The following OR6J1 variants were observed in gnomAD, a reference collection of about 807,000 sequenced individuals.
OR6J1 encodes the protein olfactory receptor family 6 subfamily J member 1, also known as olfactory receptor 6J1.
For missense variants in OR6J1, 304 were observed against 166.8 expected, an observed-to-expected ratio of 1.82 and a Z score of -4.53; for synonymous variants, 109 against 70.0, an observed-to-expected ratio of 1.56 and a Z score of -2.78.
In OR6J1 at chr14:22,633,459, T is replaced by C; in HGVS notation, c.*309A>G. 1 of 294,234 alleles carries C rather than the reference T, an allele frequency of 3.4e-6. No homozygotes were observed. Among genetic ancestry groups the C allele is most frequent in the South Asian group, 7.8e-5 (1 of 12,830 alleles). 18.2% of individuals were successfully genotyped at this position (294,234 alleles called of 1,614,324 possible). On this transcript the variant is annotated 3_prime_UTR_variant, in exon 2 of 2. Coordinates refer to ENST00000540461, the MANE Select transcript of OR6J1 (RefSeq NM_001348233.2). ...ACTTCGTGTCAAGCCGATAGAACAG[T>C]TGTGTTCGGGATCCATAAAGAAATG...
chr14:22,633,569 G>A lies in OR6J1; in HGVS notation c.*199C>T. 1.8e-6 allele frequency: 1 copy of A among 564,452 alleles called. No individual in the cohort carries two copies. Among genetic ancestry groups the A allele is most frequent in the Admixed American group, 3.4e-5 (1 of 29,742 alleles). 35.0% of individuals were successfully genotyped at this position (564,452 alleles called of 1,614,324 possible). A position where few individuals can be genotyped will look rare whatever the true frequency, so the allele number is the denominator to read the frequency against. ...ATATTCAGTGTGGATGGGGCTTAGAGATCATCAAGTCCAGCCCTGTTGCAC... is the reference window on the plus strand; with the variant it reads ...ATATTCAGTGTGGATGGGGCTTAGAAATCATCAAGTCCAGCCCTGTTGCAC... On this transcript the variant is annotated 3_prime_UTR_variant, in exon 2 of 2. Coordinates refer to ENST00000540461, the MANE Select transcript of OR6J1 (RefSeq NM_001348233.2).
chr14:22,641,599 GGA>G (rs1491478690), intron 1 of OR6J1, among the ~76,000 whole-genome samples: 10 of 101,100 alleles, frequency 9.9e-5, no homozygotes, highest in Admixed American at 6.2e-4. Context: ...TATTCTAAAA[GGA>G]TATATATATA....
At chr14:22,636,599 G>A (rs1196846206) in intron 1 of OR6J1, among the ~76,000 whole-genome samples, 1 of 119,540 alleles carries the variant, frequency 8.4e-6, no homozygotes, top group Non-Finnish European at 1.7e-5. Flanking sequence ...TTTTTTTGGT[G>A]GAGACGGGGT....
intron 1 of OR6J1, among the ~76,000 whole-genome samples, chr14:22,638,038 A>G (rs1384499422): frequency 9.3e-6 from 1 of 107,032 alleles, no homozygotes; most frequent in Non-Finnish European, 1.8e-5. Flanking sequence ...TGGGGGGGTC[A>G]GCCCCCCGCC....
At chr14:22,640,553 G>A (rs1480543046) in intron 1 of OR6J1, among the ~76,000 whole-genome samples, 1 of 146,994 alleles carries the variant, frequency 6.8e-6, no homozygotes, top group Non-Finnish European at 1.5e-5. Flanking sequence ...TGCAGTAGTG[G>A]TAGCATACAG....
At chr14:22,637,004 G>A (rs1489948087) in intron 1 of OR6J1, among the ~76,000 whole-genome samples, 1 of 126,766 alleles carries the variant, frequency 7.9e-6, no homozygotes, top group Non-Finnish European at 1.6e-5. Context: ...CATCTAGGAA[G>A]TGAGGAGCGT....
At chr14:22,636,424 C>G (rs1213373560) in intron 1 of OR6J1, among the ~76,000 whole-genome samples, 1 of 25,926 alleles carries the variant, frequency 3.9e-5, no homozygotes, top group Admixed American at 3.0e-4. Context: ...CTCCCTCTCC[C>G]TCTCCCTCTC....
In OR6J1 at chr14:22,634,894, T is replaced by C. The variant is rs187578482; in HGVS notation, c.-27-56A>G. On this transcript the variant is annotated intron_variant, in intron 1 of 1. Coordinates refer to ENST00000540461, the MANE Select transcript of OR6J1 (RefSeq NM_001348233.2). Reference sequence around the variant, plus strand: ...AGAGTGTTCAGTGGATGAAACCCCATGGCTGCTCACTAGAAAAATATGAAC... The same window carrying C: ...AGAGTGTTCAGTGGATGAAACCCCACGGCTGCTCACTAGAAAAATATGAAC... 22 of 593,148 alleles carry C rather than the reference T, an allele frequency of 3.7e-5. No homozygotes were observed. The East Asian group carries it at 5.2e-4, about 14-fold the overall frequency. The allele number at this position is 593,148 out of a possible 1,614,324, so 36.7% of individuals were successfully genotyped here.
rs2037557626 is a variant in OR6J1 at position 22,633,078 on chromosome 14, A to G, written c.*690T>C. ...TCTGTTTACACAGCTCCTCTGGTCC[A>G]GCCAAGCCACACAGGTCATAGGTCA... On this transcript the variant is annotated 3_prime_UTR_variant, in exon 2 of 2. Coordinates refer to ENST00000540461, the MANE Select transcript of OR6J1 (RefSeq NM_001348233.2). The G allele has an allele frequency of 6.6e-6, 1 of 152,238 alleles. No individual in the cohort carries two copies. The highest frequency in any genetic ancestry group is 2.1e-4 in the South Asian group (1 of 4,834). The allele number at this position is 152,238 out of a possible 1,614,324, so 9.4% of individuals were successfully genotyped here.
At position 22,634,476 on chromosome 14, in the gene OR6J1, G is replaced by A. The variant is rs2037569801; in HGVS notation, c.336C>T (p.Leu112=). ...GGTCATAGGACATGACCGTCAGCAGGAGGAACTCAACTGTGCCCAAGAAAA... is the reference window on the plus strand; with the variant it reads ...GGTCATAGGACATGACCGTCAGCAGAAGGAACTCAACTGTGCCCAAGAAAA... The part of the protein sequence containing the change: ...FYFFLGTVEF[L]LLTVMSYDRY... Residue 112 remains leucine, a synonymous_variant, in exon 2 of 2, where the codon CTC becomes CTT. Coordinates refer to ENST00000540461, the MANE Select transcript of OR6J1 (RefSeq NM_001348233.2). The A allele has an allele frequency of 2.8e-6, 2 of 703,228 alleles. No homozygotes were observed. Among genetic ancestry groups the A allele is most frequent in the South Asian group, 1.5e-5 (1 of 67,602 alleles). 43.6% of individuals were successfully genotyped at this position (703,228 alleles called of 1,614,324 possible). A position where few individuals can be genotyped will look rare whatever the true frequency, so the allele number is the denominator to read the frequency against.
intron 1 of OR6J1, among the ~76,000 whole-genome samples, chr14:22,642,851 G>A (rs1261224729): frequency 2.0e-5 from 3 of 152,020 alleles, no homozygotes; most frequent in African/African-American, 7.3e-5. Flanking sequence ...CAGTGAGGCT[G>A]TAGTGCAGTG....
chr14:22,638,966 T>C (rs1471746768), intron 1 of OR6J1, among the ~76,000 whole-genome samples: 1 of 112,648 alleles, frequency 8.9e-6, no homozygotes, highest in Admixed American at 8.0e-5. Flanking sequence ...GGAGCGCCTC[T>C]GCCCCGCCGC....
chr14:22,640,819 C>T lies in OR6J1; in HGVS notation c.-28+3279G>A, dbSNP rs61972443. Among the ~76,000 whole-genome samples the T allele has an allele frequency of 2.0e-5, 3 of 149,660 alleles. 1 individual carries two copies. Among genetic ancestry groups the T allele is most frequent in the Non-Finnish European group, 4.5e-5 (3 of 67,008 alleles). ...CATAGGCATGAGCCACCACACCCAG[C>T]CTCTTCTTGATATTTTCAGTATTTT... On this transcript the variant is annotated intron_variant, in intron 1 of 1. Coordinates refer to ENST00000540461, the MANE Select transcript of OR6J1 (RefSeq NM_001348233.2).
intron 1 of OR6J1, among the ~76,000 whole-genome samples, chr14:22,636,704 G>A (rs1173954293): frequency 6.1e-5 from 7 of 115,608 alleles, no homozygotes; most frequent in East Asian, 4.5e-4. Flanking sequence ...ACGGAGTCTC[G>A]TTCACTCAGT....
At position 22,641,408 on chromosome 14, in the gene OR6J1, T is replaced by A. The variant is rs772296191; in HGVS notation, c.-28+2690A>T. 2.0e-3 allele frequency among the ~76,000 whole-genome samples: 126 copies of A among 62,602 alleles called. 1 individual carries two copies. The highest frequency in any genetic ancestry group is 2.7e-3 in the Admixed American group (14 of 5,196). 41.1% of individuals were successfully genotyped at this position (62,602 alleles called of 152,430 possible). A position where few individuals can be genotyped will look rare whatever the true frequency, so the allele number is the denominator to read the frequency against. On this transcript the variant is annotated intron_variant, in intron 1 of 1. Coordinates refer to ENST00000540461, the MANE Select transcript of OR6J1 (RefSeq NM_001348233.2). ...AAGAGAGAGAGAGAGAAAGGAAGGA[T>A]GGAAGGAAGGAAGAGAAAGAAAGAA...
At chr14:22,639,488 C>T (rs903102370) in intron 1 of OR6J1, among the ~76,000 whole-genome samples, 9 of 132,954 alleles carry the variant, frequency 6.8e-5, no homozygotes, top group African/African-American at 2.7e-4. Flanking sequence ...GAGGTGTGCC[C>T]AACAGCTCAT....
intron 1 of OR6J1, among the ~76,000 whole-genome samples, chr14:22,639,065 A>G (rs1376805687): frequency 2.3e-5 from 2 of 85,698 alleles, no homozygotes; most frequent in Non-Finnish European, 4.5e-5. Flanking sequence ...CCGTCTGAGA[A>G]GTGAGGAGAC....
intron 1 of OR6J1, among the ~76,000 whole-genome samples, chr14:22,636,799 C>CA (rs1163124735): frequency 8.4e-6 from 1 of 118,360 alleles, no homozygotes; most frequent in Non-Finnish European, 1.7e-5. Flanking sequence ...CTTGGCCCCC[C>CA]AAAGTGCCGA....
intron 1 of OR6J1, among the ~76,000 whole-genome samples, chr14:22,636,267 T>A (rs866705471): frequency 0.05 from 1 of 20 alleles, no homozygotes; most frequent in Middle Eastern, 0.5. Flanking sequence ...CCTCTCCCTC[T>A]CCCTCTCCCT....
Sources: gnomAD v4.1 joint callset for allele counts (sites outside exome capture counted in the v4.1 genomes callset) on GRCh38, gnomAD v4.1.1 for gene constraint, MANE v1.5 for transcripts, NCBI Gene and HGNC (gene_info 2026-07-23, HGNC 2026-07-21) for gene names.